GPR160: variants seen among roughly 807,000 people sequenced by gnomAD.
The protein encoded by GPR160 is probable G protein-coupled receptor 160.
In GPR160, 2 loss-of-function variants were observed where a neutral mutation model predicts 2.6. The ratio of observed to expected loss-of-function variants is 0.77; its 90% CI spans 0.32 to 2.44. GPR160 has a LOEUF of 2.44. Ranked by LOEUF, GPR160 falls within the 30% of genes most tolerant of loss-of-function variation. The pLI is 0.11. For missense variants in GPR160, 351 were observed against 383.6 expected (o/e 0.91, Z 0.71); for synonymous variants, 130 against 132.2 (o/e 0.98, Z 0.12).
Position 170,061,285 on chromosome 3 carries a change from AAAAG to A in GPR160, c.-192-18483_-192-18480del, listed in dbSNP as rs1302431131. Among the ~76,000 whole-genome samples the A allele has an allele frequency of 8.6e-5, 13 of 151,784 alleles. No homozygotes were observed. In the East Asian group the frequency reaches 1.2e-3, roughly 14 times the overall value. On this transcript the variant is annotated intron_variant, in intron 2 of 3. Transcript: ENST00000355897. ...GTGAGACTCTGTCTCAAAAAAAAAA[AAAAG>A]AAAGATAAAAAACAACAACAACAAC...
chr3:170,063,823 C>T (rs1263628214), intron 2 of GPR160, among the ~76,000 whole-genome samples: 1 of 152,098 alleles, frequency 6.6e-6, no homozygotes, highest in Non-Finnish European at 1.5e-5. Flanking sequence ...TTCTCGAAAG[C>T]TTACTGAGCT....
At chr3:170,061,383 TA>T (rs1310786958) in intron 2 of GPR160, among the ~76,000 whole-genome samples, 6 of 151,734 alleles carry the variant, frequency 4.0e-5, no homozygotes, top group South Asian at 2.1e-4. Flanking sequence ...GATTTTGTAT[TA>T]AAAAAAACTC....
In GPR160 at chr3:170,050,750, T is replaced by C. The variant is rs6777039; in HGVS notation, c.-193+11707T>C. Among the ~76,000 whole-genome samples, 857 of 152,362 alleles carry C rather than the reference T, an allele frequency of 5.6e-3. 10 individuals are homozygous for C. The highest frequency in any genetic ancestry group is 0.02 in the African/African-American group (814 of 41,590). ...CATCTCTCACTTAGCACAACATTTT[T>C]GAGGTTCATCCATGTTGCAGCATGT... On this transcript the variant is annotated intron_variant, in intron 2 of 3. Transcript: ENST00000355897.
intron 2 of GPR160, among the ~76,000 whole-genome samples, chr3:170,044,671 TTTAAGCAGGGGACCCATG>T (rs1269019283): frequency 6.6e-6 from 1 of 152,124 alleles, no homozygotes; most frequent in Non-Finnish European, 1.5e-5. Flanking sequence ...ACCCTTCCCC[TTTAAGCAGGGGACCCATG>T]TGGATCCTGA....
intron 2 of GPR160, among the ~76,000 whole-genome samples, chr3:170,050,430 C>T (rs61038536): frequency 0.028 from 4,194 of 147,842 alleles, 188 homozygotes; most frequent in African/African-American, 0.1. Flanking sequence ...TTTTTTGAGA[C>T]GGAGTTTTGC....
At chr3:170,056,119 A>G (rs753407157) in intron 2 of GPR160, among the ~76,000 whole-genome samples, 2 of 152,210 alleles carry the variant, frequency 1.3e-5, no homozygotes, top group African/African-American at 4.8e-5. Context: ...CTGAATGACT[A>G]GTACAAGGTA....
intron 2 of GPR160, among the ~76,000 whole-genome samples, chr3:170,048,418 A>G (rs557368572): frequency 6.6e-6 from 1 of 152,136 alleles, no homozygotes. Flanking sequence ...CTATTAAAAA[A>G]TTTTTTTTAA....
At chr3:170,065,559 C>T (rs922904449) in intron 2 of GPR160, among the ~76,000 whole-genome samples, 3 of 152,186 alleles carry the variant, frequency 2.0e-5, no homozygotes, top group Non-Finnish European at 4.4e-5. Flanking sequence ...TGACGTATGC[C>T]TTTCTTTCAT....
At chr3:170,081,459 C>G (rs2108196222) in intron 3 of GPR160, among the ~76,000 whole-genome samples, 1 of 152,274 alleles carries the variant, frequency 6.6e-6, no homozygotes, top group South Asian at 2.1e-4. Context: ...TGCCTTTACA[C>G]ATATATACGT....
chr3:170,061,560 G>GT (rs1468543140), intron 2 of GPR160, among the ~76,000 whole-genome samples: 2 of 151,928 alleles, frequency 1.3e-5, no homozygotes, highest in Admixed American at 1.3e-4. Flanking sequence ...TAAAATGATG[G>GT]TATCATAGTT....
chr3:170,064,462 A>G (rs1712185030), intron 2 of GPR160, among the ~76,000 whole-genome samples: 1 of 148,860 alleles, frequency 6.7e-6, no homozygotes, highest in African/African-American at 2.5e-5. Context: ...CTGGAGGAGT[A>G]GGTGGCGGCC....
chr3:170,058,430 A>G (rs564957211), intron 2 of GPR160, among the ~76,000 whole-genome samples: 1 of 152,338 alleles, frequency 6.6e-6, no homozygotes, highest in Non-Finnish European at 1.5e-5. Context: ...GAAACAGGTC[A>G]GCCACGTGCC....
At chr3:170,067,701 G>A (rs572721029) in intron 2 of GPR160, among the ~76,000 whole-genome samples, 2 of 152,008 alleles carry the variant, frequency 1.3e-5, no homozygotes, top group East Asian at 3.9e-4. Flanking sequence ...TTTGCATTTA[G>A]AAGTTTTACC....
intron 3 of GPR160, among the ~76,000 whole-genome samples, chr3:170,080,251 A>C: frequency 6.6e-6 from 1 of 152,324 alleles, no homozygotes; most frequent in East Asian, 1.9e-4. Context: ...AATTTTGAAC[A>C]CTTATAGTGG....
chr3:170,052,400 G>T (rs940733834), intron 2 of GPR160, among the ~76,000 whole-genome samples: 4 of 152,048 alleles, frequency 2.6e-5, no homozygotes, highest in African/African-American at 9.7e-5. Context: ...TGGTATTGTT[G>T]GTCTTTCTGA....
chr3:170,041,298 A>ATTTT (rs764849488), intron 2 of GPR160, among the ~76,000 whole-genome samples: 3 of 120,874 alleles, frequency 2.5e-5, no homozygotes, highest in Non-Finnish European at 3.3e-5. Flanking sequence ...GGATGTAAAG[A>ATTTT]TTTTTTTTTT....
chr3:170,075,849 T>A (rs1178361767), intron 2 of GPR160, among the ~76,000 whole-genome samples: 1 of 152,242 alleles, frequency 6.6e-6, no homozygotes, highest in Non-Finnish European at 1.5e-5. Context: ...GTCTTCTGCC[T>A]GGCCTCACTG....
intron 2 of GPR160, chr3:170,077,089 T>C (rs1234834050): frequency 6.6e-6 from 1 of 152,182 alleles, no homozygotes; most frequent in Non-Finnish European, 1.5e-5. Flanking sequence ...AAAAACAGTA[T>C]GTAAAACCCC....
intron 2 of GPR160, among the ~76,000 whole-genome samples, chr3:170,068,311 ATTAT>A (rs1472677466): frequency 3.3e-5 from 5 of 151,774 alleles, no homozygotes; most frequent in African/African-American, 1.2e-4. Flanking sequence ...TGCCCCACTA[ATTAT>A]TTTTCTTTTT....
Sources: allele counts gnomAD v4.1 joint callset (sites outside exome capture counted in the v4.1 genomes callset), GRCh38; gene constraint gnomAD v4.1.1; transcripts MANE v1.5; gene names NCBI Gene and HGNC (gene_info 2026-07-23, HGNC 2026-07-21).